Variants in FSTL4 observed in about 807,000 individuals in gnomAD.
The protein encoded by FSTL4 is follistatin-related protein 4.
Under a neutral mutation model 78.2 loss-of-function variants are expected in FSTL4, and 28 were observed. The observed-to-expected ratio is 0.36, with a 90% CI of 0.27 to 0.49. The LOEUF is 0.49. Among genes scored for constraint, FSTL4 ranks in the 20% least tolerant of loss-of-function variants. The probability of loss-of-function intolerance (pLI) is 0.98; values close to 1 mark genes in which losing one functional copy is unlikely to be tolerated. For synonymous variants in FSTL4, 422 were observed against 440.5 expected (o/e 0.96, Z 0.53); for missense variants, 922 against 1,084.9 (o/e 0.85, Z 2.11).
chr5:133,821,210 G>A, the FSTL4 span, among the ~76,000 whole-genome samples: 1 of 152,220 alleles, frequency 6.6e-6, no homozygotes, highest in African/African-American at 2.4e-5. Flanking sequence ...ATTAGTCACA[G>A]AATTTCTTGA....
At chr5:133,414,772 C>T (rs1756544130) in intron 3 of FSTL4, among the ~76,000 whole-genome samples, 1 of 152,170 alleles carries the variant, frequency 6.6e-6, no homozygotes, top group Non-Finnish European at 1.5e-5. Context: ...CCATTTAGCC[C>T]TTTGGAGAAG....
chr5:133,247,302 A>G (rs1752069394), intron 7 of FSTL4: 1 of 152,248 alleles, frequency 6.6e-6, no homozygotes, highest in South Asian at 2.1e-4. Context: ...TGTGAAAAGT[A>G]GAAATGCAAT....
chr5:133,543,240 C>A (rs1228067987), intron 3 of FSTL4, among the ~76,000 whole-genome samples: 1 of 151,992 alleles, frequency 6.6e-6, no homozygotes, highest in African/African-American at 2.4e-5. Context: ...TTTGTAGAGA[C>A]AGGGTCCCAC....
intron 4 of FSTL4, among the ~76,000 whole-genome samples, chr5:133,364,807 C>T (rs1266710623): frequency 6.6e-6 from 1 of 152,156 alleles, no homozygotes; most frequent in African/African-American, 2.4e-5. Context: ...AATCTTTGTG[C>T]CCGTGGTTTT....
chr5:133,769,800 C>A, the FSTL4 span, among the ~76,000 whole-genome samples: 11 of 152,122 alleles, frequency 7.2e-5, no homozygotes, highest in African/African-American at 2.7e-4. Flanking sequence ...GTACCCATCA[C>A]CTGAATAGTG....
At chr5:133,597,027 C>A (rs398370) in intron 2 of FSTL4, among the ~76,000 whole-genome samples, 5 of 152,004 alleles carry the variant, frequency 3.3e-5, no homozygotes, top group African/African-American at 7.2e-5. Flanking sequence ...CTTCCTCCCC[C>A]CAACACCAAT....
At chr5:133,409,809 T>C (rs957461822) in intron 3 of FSTL4, among the ~76,000 whole-genome samples, 1 of 152,068 alleles carries the variant, frequency 6.6e-6, no homozygotes, top group Non-Finnish European at 1.5e-5. Context: ...GAAACAGACA[T>C]GGTCACAGAT....
chr5:133,597,502 A>T (rs2112973242), intron 2 of FSTL4, among the ~76,000 whole-genome samples: 1 of 152,370 alleles, frequency 6.6e-6, no homozygotes, highest in Middle Eastern at 3.4e-3. Context: ...GAATAAATAA[A>T]GTAGTTAGAC....
At chr5:133,629,780 TC>T in the FSTL4 span, among the ~76,000 whole-genome samples, 5 of 152,062 alleles carry the variant, frequency 3.3e-5, no homozygotes, top group Admixed American at 3.3e-4. Flanking sequence ...CAGCAGCACA[TC>T]AAAAAGCTTA....
intron 14 of FSTL4, among the ~76,000 whole-genome samples, chr5:133,207,151 T>C (rs1336559735): frequency 6.6e-6 from 1 of 150,888 alleles, no homozygotes; most frequent in Non-Finnish European, 1.5e-5. Flanking sequence ...TTCTATGTTT[T>C]TATTAAACCA....
At chr5:133,583,326 C>G in intron 2 of FSTL4, 1 of 405,272 alleles carries the variant, frequency 2.5e-6, no homozygotes, top group Non-Finnish European at 4.9e-6. Context: ...CAGCTCCGGT[C>G]TACAGCTCCC....
At chr5:133,423,160 C>A (rs1756736091) in intron 3 of FSTL4, among the ~76,000 whole-genome samples, 1 of 152,240 alleles carries the variant, frequency 6.6e-6, no homozygotes, top group African/African-American at 2.4e-5. Flanking sequence ...GGCCCGCTGG[C>A]TTTGTTCTTG....
chr5:133,702,090 T>C, the FSTL4 span, among the ~76,000 whole-genome samples: 1 of 152,240 alleles, frequency 6.6e-6, no homozygotes, highest in Non-Finnish European at 1.5e-5. Flanking sequence ...GATATCCACA[T>C]GTCCCTAAGG....
chr5:133,712,286 G>A, the FSTL4 span, among the ~76,000 whole-genome samples: 250 of 152,256 alleles, frequency 1.6e-3, no homozygotes, highest in African/African-American at 5.8e-3. Context: ...CAATGGCATC[G>A]TCCAGGACTG....
intron 4 of FSTL4, among the ~76,000 whole-genome samples, chr5:133,343,124 G>A (rs532934180): frequency 1.3e-5 from 2 of 152,282 alleles, no homozygotes; most frequent in South Asian, 2.1e-4. Flanking sequence ...CATCACAAGG[G>A]CTCAGGCCAC....
Position 133,210,290 on chromosome 5 carries a change from A to G in FSTL4, c.1617T>C (p.Gly539=). The change falls in exon 14 of 16, where the codon GGT becomes GGC. Residue 539 remains glycine (G), a synonymous_variant. Coordinates refer to ENST00000265342, the MANE Select transcript of FSTL4 (RefSeq NM_015082.2). ...ACAGCTTAGCCGGCAGAGGGTCCAC[A>G]CCTATGGACTTGAAAAAAAATAGTG... ...IQAQKVLQSI[G]VDPLPAKLSY... 6.3e-7 allele frequency: 1 copy of G among 1,592,212 alleles called. No homozygotes were observed. Among genetic ancestry groups the G allele is most frequent in the Non-Finnish European group, 8.6e-7 (1 of 1,160,516 alleles).
intron 6 of FSTL4, among the ~76,000 whole-genome samples, chr5:133,262,600 G>A (rs190364341): frequency 6.6e-6 from 1 of 152,270 alleles, no homozygotes; most frequent in African/African-American, 2.4e-5. Flanking sequence ...CCTTCCAAGC[G>A]CCTGTCTCTG....
chr5:133,785,901 C>T, the FSTL4 span, among the ~76,000 whole-genome samples: 2 of 152,192 alleles, frequency 1.3e-5, no homozygotes, highest in African/African-American at 4.8e-5. Flanking sequence ...GTGAAGCTGG[C>T]AGATGCCAGC....
chr5:133,243,329 T>TA (rs1183595849), intron 7 of FSTL4, among the ~76,000 whole-genome samples: 4 of 152,200 alleles, frequency 2.6e-5, no homozygotes, highest in African/African-American at 7.2e-5. Context: ...TCTGTTTTTT[T>TA]AAAAAAGAAT....
Sources: gnomAD v4.1 joint callset for allele counts (sites outside exome capture counted in the v4.1 genomes callset) on GRCh38, gnomAD v4.1.1 for gene constraint, MANE v1.5 for transcripts, NCBI Gene and HGNC (gene_info 2026-07-23, HGNC 2026-07-21) for gene names.